Variants in CSMD3 observed in about 807,000 individuals in gnomAD.
CSMD3 encodes CUB and Sushi multiple domains 3.
Under a neutral mutation model 435.2 loss-of-function variants are expected in CSMD3, and 177 were observed. That is an observed-to-expected ratio of 0.41 (90% CI 0.36 to 0.46). CSMD3 has a LOEUF of 0.46. CSMD3 is among the 20% of genes least tolerant of loss of function. CSMD3 has a pLI of 0.34. For synonymous variants in CSMD3, 1,656 were observed against 1,520.5 expected, an observed-to-expected ratio of 1.09 and a Z score of -2.07; for missense variants, 4,265 against 4,504.6, an observed-to-expected ratio of 0.95 and a Z score of 1.52.
intron 5 of CSMD3, among the ~76,000 whole-genome samples, chr8:113,062,919 G>A (rs1367992755): frequency 6.6e-6 from 1 of 151,442 alleles, no homozygotes; most frequent in East Asian, 1.9e-4. Flanking sequence ...TTTTATAGGT[G>A]ACTTACATAT....
At chr8:113,010,948 C>T (rs1190413687) in intron 6 of CSMD3, among the ~76,000 whole-genome samples, 2 of 151,538 alleles carry the variant, frequency 1.3e-5, no homozygotes, top group Non-Finnish European at 3.0e-5. Flanking sequence ...ATTAAGTACA[C>T]TCTTTTTTTC....
Position 112,406,690 on chromosome 8 carries a change from C to G in CSMD3, c.5643G>C (p.Val1881=), listed in dbSNP as rs2130028741. 1 of 1,611,266 alleles carries G rather than the reference C, an allele frequency of 6.2e-7. No individual in the cohort carries two copies. Among genetic ancestry groups the G allele is most frequent in the Non-Finnish European group, 8.5e-7 (1 of 1,177,940 alleles). The change falls in exon 35 of 71, where the codon GTG becomes GTC. Residue 1881 remains valine, a synonymous_variant. Transcript: ENST00000297405. ...PRTSSTQCSS[V]PEPRFGRRIG... ...TTCTTCTTCCGAATCTTGGTTCAGGCACAGAACTGCATTGTGTAGAACTTG... is the reference window on the plus strand; with the variant it reads ...TTCTTCTTCCGAATCTTGGTTCAGGGACAGAACTGCATTGTGTAGAACTTG...
chr8:112,800,711 A>G (rs2078940733), intron 12 of CSMD3, among the ~76,000 whole-genome samples: 1 of 152,062 alleles, frequency 6.6e-6, no homozygotes, highest in African/African-American at 2.4e-5. Context: ...CAAGAGTATA[A>G]CCGAACCCTT....
chr8:113,185,308 GA>G (rs980286161), intron 3 of CSMD3, among the ~76,000 whole-genome samples: 1 of 151,562 alleles, frequency 6.6e-6, no homozygotes, highest in African/African-American at 2.4e-5. Flanking sequence ...AAGGAAAGGA[GA>G]AAAAAAAGTT....
chr8:112,752,666 TA>T (rs951563097), intron 13 of CSMD3, among the ~76,000 whole-genome samples: 3 of 152,008 alleles, frequency 2.0e-5, no homozygotes, highest in African/African-American at 7.3e-5. Context: ...AACTAAAGAA[TA>T]AAAACATAAA....
intron 1 of CSMD3, among the ~76,000 whole-genome samples, chr8:113,396,460 A>G (rs563801763): frequency 9.9e-4 from 151 of 152,258 alleles, no homozygotes; most frequent in African/African-American, 3.5e-3. Flanking sequence ...TTAAATGTAG[A>G]TTTGAGTTTT....
At chr8:112,422,876 C>A (rs1277153336) in intron 32 of CSMD3, among the ~76,000 whole-genome samples, 1 of 152,112 alleles carries the variant, frequency 6.6e-6, no homozygotes, top group Non-Finnish European at 1.5e-5. Flanking sequence ...GAAAACTTAA[C>A]CCTGGAAACA....
intron 3 of CSMD3, among the ~76,000 whole-genome samples, chr8:113,178,388 G>T (rs2131914141): frequency 6.6e-6 from 1 of 152,048 alleles, no homozygotes; most frequent in East Asian, 1.9e-4. Context: ...ACAAAAGGCA[G>T]ATATTCATTC....
intron 5 of CSMD3, among the ~76,000 whole-genome samples, chr8:113,082,163 A>C (rs976352925): frequency 1.5e-4 from 20 of 132,252 alleles, no homozygotes; most frequent in African/African-American, 5.6e-4. Context: ...TTGCTACTGC[A>C]TGCCAAACCC....
At chr8:113,019,250 G>A in intron 5 of CSMD3, 71 bp from the exon 6 acceptor site, 1 of 946,096 alleles carries the variant, frequency 1.1e-6, no homozygotes, top group South Asian at 1.3e-5. Context: ...ACAAAATTGG[G>A]ACCAAACAAA....
At chr8:113,132,556 T>C (rs1276472975) in intron 4 of CSMD3, among the ~76,000 whole-genome samples, 1 of 152,168 alleles carries the variant, frequency 6.6e-6, no homozygotes, top group Admixed American at 6.6e-5. Flanking sequence ...TCTGCCATGA[T>C]TGTAAGTTTC....
In CSMD3 at chr8:112,422,002, G is replaced by C. The variant is rs1295949272; in HGVS notation, c.5396-12970C>G. Among the ~76,000 whole-genome samples the C allele has an allele frequency of 3.3e-5, 5 of 151,880 alleles. No homozygotes were observed. In the East Asian group the frequency reaches 9.7e-4, roughly 29 times the overall value. ...ATCAAAAAATTAGTAAGCTAAAAAG[G>C]GAAAGAACTAAGATTTGAATTCATA... On this transcript the variant is annotated intron_variant, in intron 32 of 70. Transcript: ENST00000297405.
At chr8:112,888,022 A>G (rs2081661093) in intron 10 of CSMD3, among the ~76,000 whole-genome samples, 1 of 151,730 alleles carries the variant, frequency 6.6e-6, no homozygotes. Flanking sequence ...TAACCATAGA[A>G]CAGAAACAAC....
intron 6 of CSMD3, among the ~76,000 whole-genome samples, chr8:112,984,983 A>T (rs1464997577): frequency 7.8e-6 from 1 of 127,950 alleles, no homozygotes; most frequent in Non-Finnish European, 1.7e-5. Flanking sequence ...CTTTAGATAC[A>T]TGATAGATTA....
intron 13 of CSMD3, among the ~76,000 whole-genome samples, chr8:112,725,773 T>C (rs1323222730): frequency 6.6e-6 from 1 of 151,954 alleles, no homozygotes; most frequent in Non-Finnish European, 1.5e-5. Flanking sequence ...TTATGAAGTT[T>C]GAATTAATTT....
chr8:113,016,781 C>T (rs1371900208), intron 6 of CSMD3, among the ~76,000 whole-genome samples: 1 of 151,726 alleles, frequency 6.6e-6, no homozygotes, highest in African/African-American at 2.4e-5. Flanking sequence ...TAAAAAGCAT[C>T]GTTACCATTT....
chr8:113,095,899 C>T (rs901351259), intron 5 of CSMD3, among the ~76,000 whole-genome samples: 2 of 151,966 alleles, frequency 1.3e-5, no homozygotes, highest in African/African-American at 4.8e-5. Context: ...TCCTGAAGAC[C>T]CTAAGGGATA....
At chr8:112,293,461 G>A (rs1183271209) in intron 54 of CSMD3, among the ~76,000 whole-genome samples, 1 of 151,990 alleles carries the variant, frequency 6.6e-6, no homozygotes, top group Non-Finnish European at 1.5e-5. Context: ...GCAAATGTGT[G>A]CTTGTGAAGT....
intron 13 of CSMD3, among the ~76,000 whole-genome samples, chr8:112,746,824 G>C (rs931063821): frequency 6.6e-6 from 1 of 152,058 alleles, no homozygotes; most frequent in African/African-American, 2.4e-5. Context: ...TGGAAGGAGA[G>C]AGAAAAAGAC....
Sources: allele counts gnomAD v4.1 joint callset (sites outside exome capture counted in the v4.1 genomes callset), GRCh38; gene constraint gnomAD v4.1.1; transcripts MANE v1.5; gene names NCBI Gene and HGNC (gene_info 2026-07-23, HGNC 2026-07-21).